The following RANBP2 variants were observed in gnomAD, a reference collection of about 807,000 sequenced individuals.
RANBP2 encodes the protein RAN binding protein 2.
A neutral mutation model predicts 303.6 loss-of-function variants in RANBP2; 57 were observed. The observed-to-expected ratio is 0.19, with a 90% CI of 0.15 to 0.23. The LOEUF (loss-of-function observed/expected upper bound fraction) is 0.23. RANBP2 is among the 10% of genes least tolerant of loss of function. The pLI is 1.00. For synonymous variants in RANBP2, 1,167 were observed against 1,301.5 expected (o/e 0.90, Z 2.23); for missense variants, 3,138 against 3,780.8 (o/e 0.83, Z 4.46).
At chr2:109,399,409 T>G in the RANBP2 span, among the ~76,000 whole-genome samples, 1 of 152,186 alleles carries the variant, frequency 6.6e-6, no homozygotes, top group African/African-American at 2.4e-5. Flanking sequence ...TACTGTTGTT[T>G]CTACAGATAC....
chr2:108,871,600 T>G, the RANBP2 span, among the ~76,000 whole-genome samples: 1 of 152,040 alleles, frequency 6.6e-6, no homozygotes, highest in African/African-American at 2.4e-5. Context: ...TAAAAAACAT[T>G]GTCCCATTTT....
the RANBP2 span, among the ~76,000 whole-genome samples, chr2:109,482,724 C>T: frequency 6.6e-5 from 10 of 152,208 alleles, no homozygotes; most frequent in Non-Finnish European, 1.2e-4. Flanking sequence ...CCTGCACCTC[C>T]GGCTGCTTCC....
the RANBP2 span, among the ~76,000 whole-genome samples, chr2:109,475,878 A>G: frequency 2.2e-4 from 34 of 152,068 alleles, no homozygotes; most frequent in African/African-American, 7.0e-4. Flanking sequence ...ACCTTAAGCA[A>G]CTCATTTCTC....
At chr2:109,045,450 G>T in the RANBP2 span, among the ~76,000 whole-genome samples, 1 of 152,218 alleles carries the variant, frequency 6.6e-6, no homozygotes, top group South Asian at 2.1e-4. Context: ...TAATGTCACA[G>T]AATCAAAGTC....
the RANBP2 span, among the ~76,000 whole-genome samples, chr2:108,835,863 G>T: frequency 2.0e-5 from 3 of 152,306 alleles, no homozygotes; most frequent in South Asian, 4.1e-4. Context: ...CCTGGCAGCT[G>T]GATGTCCAAG....
At chr2:108,799,840 T>C in the RANBP2 span, among the ~76,000 whole-genome samples, 2 of 152,180 alleles carry the variant, frequency 1.3e-5, no homozygotes, top group Non-Finnish European at 2.9e-5. Flanking sequence ...TTCAGATAGT[T>C]TCTTGATCCA....
the RANBP2 span, among the ~76,000 whole-genome samples, chr2:109,037,482 T>G: frequency 2.0e-5 from 3 of 151,940 alleles, no homozygotes; most frequent in East Asian, 3.9e-4. Flanking sequence ...GAAAGAGAGA[T>G]AAAAAGCACA....
At chr2:109,548,926 G>A in the RANBP2 span, among the ~76,000 whole-genome samples, 1 of 152,146 alleles carries the variant, frequency 6.6e-6, no homozygotes, top group Non-Finnish European at 1.5e-5. Flanking sequence ...CTGTGAGCCA[G>A]TGACCACCTG....
chr2:109,629,863 T>C, the RANBP2 span, among the ~76,000 whole-genome samples: 1 of 152,018 alleles, frequency 6.6e-6, no homozygotes, highest in African/African-American at 2.4e-5. Flanking sequence ...ACACATACGT[T>C]ATGTACCCCG....
At chr2:109,289,395 T>G in the RANBP2 span, among the ~76,000 whole-genome samples, 1 of 152,188 alleles carries the variant, frequency 6.6e-6, no homozygotes. Flanking sequence ...TAGGGTACTC[T>G]TCTGCACACA....
chr2:109,540,688 A>G, the RANBP2 span, among the ~76,000 whole-genome samples: 2 of 150,154 alleles, frequency 1.3e-5, no homozygotes, highest in African/African-American at 2.4e-5. Flanking sequence ...TTAGTTGGGC[A>G]TGGTGATGTG....
the RANBP2 span, among the ~76,000 whole-genome samples, chr2:109,583,764 A>C: frequency 6.6e-6 from 1 of 152,354 alleles, no homozygotes; most frequent in East Asian, 1.9e-4. Flanking sequence ...GGACTGGATA[A>C]AACAAGTGTG....
chr2:108,775,407 GT>G lies in RANBP2; in HGVS notation c.8293-318del, dbSNP rs372797065. On this transcript the variant is annotated intron_variant, in intron 23 of 28. Coordinates refer to ENST00000283195, the MANE Select transcript of RANBP2 (RefSeq NM_006267.5). ...TGACATTGTGCCATTGGCAGTTCCAGTTTTTTTGGGCTGCTGTAGCACCCAG... is the reference window on the plus strand; with the variant it reads ...TGACATTGTGCCATTGGCAGTTCCAGTTTTTTGGGCTGCTGTAGCACCCAG... Among the ~76,000 whole-genome samples, 143 of 152,262 alleles carry G rather than the reference GT, an allele frequency of 9.4e-4. 1 individual carries two copies. The highest frequency in any genetic ancestry group is 2.9e-3 in the African/African-American group (121 of 41,560).
At chr2:108,845,414 T>C in the RANBP2 span, among the ~76,000 whole-genome samples, 2 of 152,144 alleles carry the variant, frequency 1.3e-5, no homozygotes, top group East Asian at 3.8e-4. Context: ...AGGAACCAGT[T>C]GGTCACAAAT....
At chr2:109,690,155 T>C in the RANBP2 span, among the ~76,000 whole-genome samples, 4 of 152,176 alleles carry the variant, frequency 2.6e-5, no homozygotes, top group Non-Finnish European at 5.9e-5. Context: ...TAAGGATGCA[T>C]GCCAGTGACA....
the RANBP2 span, among the ~76,000 whole-genome samples, chr2:109,083,459 G>A: frequency 4.2e-4 from 64 of 152,308 alleles, no homozygotes; most frequent in African/African-American, 1.4e-3. Context: ...ATGCTGCAGC[G>A]TGTGTCAGAA....
the RANBP2 span, among the ~76,000 whole-genome samples, chr2:109,583,700 T>C: frequency 1.3e-5 from 2 of 152,288 alleles, no homozygotes; most frequent in African/African-American, 4.8e-5. Context: ...TGTTTCATCA[T>C]AGCTCTATTC....
At chr2:109,031,583 C>A in the RANBP2 span, among the ~76,000 whole-genome samples, 1 of 152,192 alleles carries the variant, frequency 6.6e-6, no homozygotes, top group Non-Finnish European at 1.5e-5. Context: ...CCTGGCCCCA[C>A]GTGCGGCGAG....
chr2:109,077,292 A>G, the RANBP2 span, among the ~76,000 whole-genome samples: 1 of 150,786 alleles, frequency 6.6e-6, no homozygotes, highest in Non-Finnish European at 1.5e-5. Flanking sequence ...CTACACGGAA[A>G]CATAGAGAAA....
Sources: gnomAD v4.1 joint callset for allele counts (sites outside exome capture counted in the v4.1 genomes callset) on GRCh38, gnomAD v4.1.1 for gene constraint, MANE v1.5 for transcripts, NCBI Gene and HGNC (gene_info 2026-07-23, HGNC 2026-07-21) for gene names.